The following IQCE variants were observed in gnomAD, a reference collection of about 807,000 sequenced individuals.
The protein encoded by IQCE is IQ motif containing E.
Under a neutral mutation model 96.0 loss-of-function variants are expected in IQCE, and 115 were observed. The ratio of observed to expected loss-of-function variants is 1.20; its 90% CI spans 1.03 to 1.40. The LOEUF (loss-of-function observed/expected upper bound fraction) is 1.40, where lower values mean the gene tolerates loss of function less well. Among genes scored for constraint, IQCE ranks in the 40% most tolerant of loss-of-function variants. The probability of loss-of-function intolerance (pLI) is 0.00; values close to 1 mark genes in which losing one functional copy is unlikely to be tolerated. For synonymous variants in IQCE, 412 were observed against 371.2 expected, an observed-to-expected ratio of 1.11 and a Z score of -1.26; for missense variants, 1,041 against 909.1, an observed-to-expected ratio of 1.15 and a Z score of -1.87.
In IQCE at chr7:2,604,919, C is replaced by T; in HGVS notation, c.1671C>T (p.Leu557=). 1 of 1,613,800 alleles carries T rather than the reference C, an allele frequency of 6.2e-7. No homozygotes were observed. Among genetic ancestry groups the T allele is most frequent in the Non-Finnish European group, 8.5e-7 (1 of 1,179,968 alleles). The change falls in exon 19 of 22, where the codon CTC becomes CTT. Residue 557 remains leucine (L), a synonymous_variant. Coordinates refer to ENST00000402050, the MANE Select transcript of IQCE (RefSeq NM_152558.5). ...VVLQAAFRGH[L]TRTKLLASKA... ...TTCAGGCAGCTTTCAGGGGACATCT[C>T]ACGCGGACAAAGCTCTTAGCAAGCA...
rs570968488 is a variant in IQCE at position 2,585,047 on chromosome 7, C to G, written c.824+762C>G. On this transcript the variant is annotated intron_variant, in intron 11 of 21. Transcript: ENST00000402050. The stretch of plus-strand genomic sequence containing the variant: ...GGCTCCTGCGAGCTTCTGCTCATAA[C>G]ATTTTTTTTTTTTTTTTGGCAAATG... 3.4e-3 allele frequency among the ~76,000 whole-genome samples: 364 copies of G among 106,170 alleles called. 2 individuals are homozygous for G. The highest frequency in any genetic ancestry group is 0.011 in the African/African-American group (345 of 30,310). 69.7% of individuals were successfully genotyped at this position (106,170 alleles called of 152,430 possible). A position where few individuals can be genotyped will look rare whatever the true frequency, so the allele number is the denominator to read the frequency against.
intron 1 of IQCE, among the ~76,000 whole-genome samples, chr7:2,561,712 C>T (rs957154666): frequency 6.6e-6 from 1 of 152,298 alleles, no homozygotes; most frequent in Non-Finnish European, 1.5e-5. Flanking sequence ...TGAGCCACCA[C>T]GTCCGGCCTT....
chr7:2,608,224 G>A (rs950015734), intron 21 of IQCE, among the ~76,000 whole-genome samples: 5 of 152,174 alleles, frequency 3.3e-5, no homozygotes, highest in Non-Finnish European at 5.9e-5. Context: ...GGCCCGTGGC[G>A]GGCGGAGGCC....
intron 6 of IQCE, 121 bp downstream of exon 6, chr7:2,573,609 C>G: frequency 1.7e-6 from 1 of 577,070 alleles, no homozygotes; most frequent in South Asian, 2.3e-5. Context: ...GCGTTAGGGT[C>G]GAACCTGAGT....
Position 2,598,650 on chromosome 7 carries a change from G to T in IQCE, c.1608+18G>T. ...AGCACAAGGTGAGGCTCCCCGGGGC[G>T]ACCCGGGCTGCTCCCTGTGAGTCTT... On this transcript the variant is annotated intron_variant, in intron 17 of 21. Transcript: ENST00000402050. 2 of 1,498,228 alleles carry T rather than the reference G, an allele frequency of 1.3e-6. No homozygotes were observed. Among genetic ancestry groups the T allele is most frequent in the South Asian group, 1.4e-5 (1 of 73,868 alleles). 92.8% of individuals were successfully genotyped at this position (1,498,228 alleles called of 1,614,324 possible). A position where few individuals can be genotyped will look rare whatever the true frequency, so the allele number is the denominator to read the frequency against.
intron 1 of IQCE, among the ~76,000 whole-genome samples, chr7:2,561,557 A>T (rs998242981): frequency 6.6e-6 from 1 of 151,816 alleles, no homozygotes; most frequent in African/African-American, 2.4e-5. Context: ...AGTAGCTGAG[A>T]CTACAGGCGC....
chr7:2,593,079 C>T lies in IQCE; in HGVS notation c.1302C>T (p.Cys434=), dbSNP rs533844835. The T allele has an allele frequency of 3.2e-5, 51 of 1,612,294 alleles. No homozygotes were observed. Among genetic ancestry groups the T allele is most frequent in the South Asian group, 2.4e-4 (22 of 90,970 alleles). The change falls in exon 15 of 22, where the codon TGC becomes TGT. Residue 434 remains cysteine, a synonymous_variant. Coordinates refer to ENST00000402050, the MANE Select transcript of IQCE (RefSeq NM_152558.5). ...AKADLEKELE[C]AREGEEERRE... ...CCGACCTGGAGAAGGAGCTGGAGTG[C>T]GCGAGGGAGGGCGAGGAGGAGAGGA...
rs1191395685 is a variant in IQCE, at chr7:2,610,266, A to G, written c.*104A>G. 2.7e-6 allele frequency: 2 copies of G among 747,426 alleles called. No homozygotes were observed. Among genetic ancestry groups the G allele is most frequent in the East Asian group, 2.5e-5 (1 of 40,148 alleles). The allele number at this position is 747,426 out of a possible 1,614,324, so 46.3% of individuals were successfully genotyped here. ...TGTTAGGAGAAGAACGATGATACCT[A>G]CTTAACACCTCAGCATCTGCGTCGT... On this transcript the variant is annotated 3_prime_UTR_variant, in exon 22 of 22. Coordinates refer to ENST00000402050, the MANE Select transcript of IQCE (RefSeq NM_152558.5).
intron 16 of IQCE, chr7:2,596,860 A>C (rs1784075944): frequency 2.4e-6 from 1 of 420,586 alleles, no homozygotes; most frequent in Non-Finnish European, 5.0e-6. Flanking sequence ...TGTGGAAGCC[A>C]AGGGCCGGAA....
intron 18 of IQCE, among the ~76,000 whole-genome samples, chr7:2,603,777 A>G (rs1775084237): frequency 6.6e-6 from 1 of 151,686 alleles, no homozygotes; most frequent in Non-Finnish European, 1.5e-5. Context: ...CCCTAGCTTT[A>G]AGACAAAACA....
In IQCE at chr7:2,594,933, TGAAG is replaced by T. The variant is rs776847299; in HGVS notation, c.1398_1401del (p.Met466IlefsTer97). 6 of 1,613,640 alleles carry T rather than the reference TGAAG, an allele frequency of 3.7e-6. No homozygotes were observed. The Admixed American group carries it at 8.3e-5, about 22-fold the overall frequency. On this transcript the variant is annotated frameshift_variant, in exon 16 of 22. Transcript: ENST00000402050. LOFTEE classifies it high-confidence loss of function. ...AGCAAGCTCCAAGAATTGCAAGAAA[TGAAG>T]AAAGAAGAGAAAGAGGATTGCCCGG...
rs1562690050 is a variant in IQCE, at chr7:2,610,049, T to C, written c.1975T>C (p.Ser659Pro). The part of the protein sequence containing the change: ...PPFLAALPDP[S>P]PSGPQALAPL... ...CCTGTGGTTCATTTCTGCAGACCCCTCTCCCTCAGGGCCACAGGCCTTGGC... is the reference window on the plus strand; with the variant it reads ...CCTGTGGTTCATTTCTGCAGACCCCCCTCCCTCAGGGCCACAGGCCTTGGC... The change falls in exon 22 of 22, where the codon TCT becomes CCT. Residue 659 changes from serine (S) to proline (P), a missense_variant. By Grantham distance (74) the Ser-to-Pro change is moderately conservative. Transcript: ENST00000402050. The C allele has an allele frequency of 3.8e-6, 6 of 1,580,204 alleles. No homozygotes were observed.
In IQCE at chr7:2,572,233, C is replaced by A. The variant is rs11976972; in HGVS notation, c.301C>A (p.His101Asn). The A allele has an allele frequency of 3.3e-3, 5,264 of 1,614,126 alleles. 122 individuals carry two copies. In the African/African-American group the frequency reaches 0.055, roughly 17 times the overall value. Residue 101 changes from histidine to asparagine, a missense_variant, in exon 5 of 22, where the codon CAT becomes AAT. Transcript: ENST00000402050. ...CCTGAACTCACCCCTCACCTGGGAG[C>A]ATGCGTGGACTGGCGTCCCCGGCGG... Reference protein sequence around the residue: ...QALNSPLTWEHAWTGVPGGTP... With the variant: ...QALNSPLTWENAWTGVPGGTP...
At chr7:2,589,815 G>C in intron 13 of IQCE, 92 bp from the exon 14 acceptor site, 1 of 1,282,058 alleles carries the variant, frequency 7.8e-7, no homozygotes, top group Non-Finnish European at 1.1e-6. Context: ...TGGAGACTCA[G>C]TTTGCCCTGG....
Sources: gnomAD v4.1 joint callset for allele counts (sites outside exome capture counted in the v4.1 genomes callset) on GRCh38, gnomAD v4.1.1 for gene constraint, MANE v1.5 for transcripts, NCBI Gene and HGNC (gene_info 2026-07-23, HGNC 2026-07-21) for gene names.